CLINT1: variants seen among roughly 807,000 people sequenced by gnomAD.
CLINT1 encodes clathrin interactor 1, also known as clathrin interacting protein localized in the trans-Golgi region.
Under a neutral mutation model 70.4 loss-of-function variants are expected in CLINT1, and 15 were observed. That is an observed-to-expected ratio of 0.21 (90% CI 0.14 to 0.33). The LOEUF is 0.33. Ranked by LOEUF, CLINT1 falls within the 10% of genes least tolerant of loss-of-function variation. The pLI, the probability that CLINT1 is intolerant of heterozygous loss-of-function variation, is 1.00. For synonymous variants in CLINT1, 227 were observed against 254.7 expected (o/e 0.89, Z 1.04); for missense variants, 615 against 778.1 (o/e 0.79, Z 2.49).
chr5:157,803,429 G>A (rs1259713002), intron 8 of CLINT1, among the ~76,000 whole-genome samples: 1 of 152,004 alleles, frequency 6.6e-6, no homozygotes, highest in East Asian at 1.9e-4. Context: ...GTCTGAGGGT[G>A]GGTCAGAAAA....
chr5:157,818,323 T>C (rs1762781500), intron 1 of CLINT1, among the ~76,000 whole-genome samples: 1 of 152,054 alleles, frequency 6.6e-6, no homozygotes, highest in African/African-American at 2.4e-5. Flanking sequence ...TAAATAAGAA[T>C]ACTACCTCAA....
chr5:157,819,002 T>A (rs962599647), intron 1 of CLINT1, among the ~76,000 whole-genome samples: 8 of 152,192 alleles, frequency 5.3e-5, no homozygotes, highest in African/African-American at 1.9e-4. Flanking sequence ...TTTGGTTAAC[T>A]ATTACATGCA....
In CLINT1 at chr5:157,789,375, T is replaced by A; in HGVS notation, c.1519A>T (p.Ile507Phe). ...TAAGGTAACTTACTCTGTTGCTGAATCATTGTATTCAGTGATGGCTGCTGG... is the reference window on the plus strand; with the variant it reads ...TAAGGTAACTTACTCTGTTGCTGAAACATTGTATTCAGTGATGGCTGCTGG... The part of the protein sequence containing the change: ...KPQQPSLNTM[I>F]QQQNMQQPMN... The change falls in exon 11 of 12, where the codon ATT becomes TTT. Residue 507 changes from isoleucine (I) to phenylalanine (F), a missense_variant. This residue lies in a region of CLINT1 where 374 missense variants were observed against 409.6 expected (regional missense o/e 0.91). Transcript: ENST00000411809. The A allele has an allele frequency of 1.2e-6, 2 of 1,613,976 alleles. No individual in the cohort carries two copies. The highest frequency in any genetic ancestry group is 1.7e-6 in the Non-Finnish European group (2 of 1,179,852).
At chr5:157,815,225 A>T (rs1468201721) in intron 3 of CLINT1, among the ~76,000 whole-genome samples, 4 of 151,900 alleles carry the variant, frequency 2.6e-5, no homozygotes, top group Non-Finnish European at 5.9e-5. Flanking sequence ...TCTTGAGCCC[A>T]GGAGGTCAAG....
rs188971437 is a variant in CLINT1, at chr5:157,850,440, G to A, written c.41+8490C>T. 9.8e-4 allele frequency among the ~76,000 whole-genome samples: 149 copies of A among 151,900 alleles called. 1 individual carries two copies. The highest frequency in any genetic ancestry group is 3.6e-3 in the African/African-American group (147 of 41,400). ...TTGAGCCCAGCCTGGGGAGCATGAT[G>A]AAACCCTATCTCTACAAAAAATTAG... On this transcript the variant is annotated intron_variant, in intron 1 of 11. Coordinates refer to ENST00000411809, the MANE Select transcript of CLINT1 (RefSeq NM_014666.4).
In CLINT1 at chr5:157,818,882, C is replaced by T. The variant is rs544009672; in HGVS notation, c.42-1335G>A. 3.3e-5 allele frequency among the ~76,000 whole-genome samples: 5 copies of T among 152,292 alleles called. No individual in the cohort carries two copies. In the East Asian group the frequency reaches 5.8e-4, roughly 18 times the overall value. ...ACATCCTATAGTAGTATTCATTTGA[C>T]ATCGAAAGCTCCAATTATTACCAAA... On this transcript the variant is annotated intron_variant, in intron 1 of 11. Coordinates refer to ENST00000411809, the MANE Select transcript of CLINT1 (RefSeq NM_014666.4).
At chr5:157,799,987 G>A in intron 8 of CLINT1, among the ~76,000 whole-genome samples, 1 of 152,098 alleles carries the variant, frequency 6.6e-6, no homozygotes, top group East Asian at 1.9e-4. Flanking sequence ...GTCCATGACT[G>A]TACTTTAAAT....
intron 10 of CLINT1, among the ~76,000 whole-genome samples, chr5:157,791,159 C>T (rs918741206): frequency 1.3e-5 from 2 of 151,998 alleles, no homozygotes; most frequent in Non-Finnish European, 2.9e-5. Context: ...CCTGGGTTCA[C>T]GCCATTCTCC....
Position 157,805,962 on chromosome 5 carries a change from G to C in CLINT1, c.846C>G (p.Ser282=). Residue 282 remains serine, a synonymous_variant, in exon 7 of 12, where the codon TCC becomes TCG. Coordinates refer to ENST00000411809, the MANE Select transcript of CLINT1 (RefSeq NM_014666.4). ...CTGCTGCTCCAAGATCAATGGTTTT[G>C]GAAGGATTTGCTGTGCGCTTGTGTC... ...TTRHKRTANP[S]KTIDLGAAAH... 6.2e-7 allele frequency: 1 copy of C among 1,613,916 alleles called. No homozygotes were observed. The highest frequency in any genetic ancestry group is 1.1e-5 in the South Asian group (1 of 91,064).
chr5:157,830,747 CCTCTCTCTCCCTCTCTCTCTCTCT>C (rs769696173), intron 1 of CLINT1, among the ~76,000 whole-genome samples: 2 of 91,296 alleles, frequency 2.2e-5, no homozygotes, highest in Non-Finnish European at 4.7e-5. Flanking sequence ...CCTGCCCCTC[CCTCTCTCTCCCTCTCTCTCTCTCT>C]CTCTCTCTCT....
At chr5:157,849,153 G>T (rs1216724759) in intron 1 of CLINT1, among the ~76,000 whole-genome samples, 1 of 152,120 alleles carries the variant, frequency 6.6e-6, no homozygotes. Flanking sequence ...GAGCAGCATT[G>T]CATGCTACAG....
intron 1 of CLINT1, among the ~76,000 whole-genome samples, chr5:157,853,761 G>C: frequency 8.8e-6 from 1 of 113,310 alleles, no homozygotes; most frequent in African/African-American, 3.5e-5. Flanking sequence ...TGGGCAACGA[G>C]AGCGAGACAC....
At position 157,839,382 on chromosome 5, in the gene CLINT1, C is replaced by T. The variant is rs554946222; in HGVS notation, c.41+19548G>A. Among the ~76,000 whole-genome samples, 834 of 152,324 alleles carry T rather than the reference C, an allele frequency of 5.5e-3. 8 individuals carry two copies. The highest frequency in any genetic ancestry group is 8.3e-3 in the Non-Finnish European group (562 of 68,028). ...TTGGGAGGCCAAGGTCAGTGGATCA[C>T]TTGAAGCCAGGGGTTCAGGACCAAC... On this transcript the variant is annotated intron_variant, in intron 1 of 11. Coordinates refer to ENST00000411809, the MANE Select transcript of CLINT1 (RefSeq NM_014666.4).
intron 1 of CLINT1, among the ~76,000 whole-genome samples, chr5:157,853,340 C>T (rs1753637810): frequency 6.8e-6 from 1 of 147,926 alleles, no homozygotes; most frequent in African/African-American, 2.5e-5. Flanking sequence ...AAGACTCCAT[C>T]TCAAGAAAGA....
intron 1 of CLINT1, among the ~76,000 whole-genome samples, chr5:157,838,757 T>C (rs1763518661): frequency 6.6e-6 from 1 of 152,142 alleles, no homozygotes; most frequent in East Asian, 1.9e-4. Flanking sequence ...GAAGAATATA[T>C]TCTATGGGAG....
intron 1 of CLINT1, among the ~76,000 whole-genome samples, chr5:157,835,523 A>G (rs369815963): frequency 2.6e-5 from 4 of 152,120 alleles, no homozygotes; most frequent in Non-Finnish European, 5.9e-5. Context: ...TGACTACACT[A>G]TATCTTATGC....
intron 1 of CLINT1, among the ~76,000 whole-genome samples, chr5:157,852,774 G>A (rs1178281452): frequency 6.6e-6 from 1 of 152,180 alleles, no homozygotes. Context: ...ACCATCTGGA[G>A]GCACCTAAGT....
chr5:157,788,066 T>C (rs750895615), intron 11 of CLINT1, 74 bp from the exon 12 acceptor site: 106 of 1,121,664 alleles, frequency 9.5e-5, no homozygotes, highest in Non-Finnish European at 1.4e-4. Flanking sequence ...AACTAATAAC[T>C]TCTTGACCAT....
intron 10 of CLINT1, among the ~76,000 whole-genome samples, chr5:157,791,060 T>C (rs1761886287): frequency 1.3e-5 from 2 of 152,136 alleles, no homozygotes; most frequent in Admixed American, 1.3e-4. Context: ...CTATTTCTTT[T>C]TCTTTTCCTT....
Sources: allele counts gnomAD v4.1 joint callset (sites outside exome capture counted in the v4.1 genomes callset), GRCh38; gene constraint gnomAD v4.1.1; regional missense constraint gnomAD v4.1.1; transcripts MANE v1.5; gene names NCBI Gene and HGNC (gene_info 2026-07-23, HGNC 2026-07-21).